IPPK: variants seen among roughly 807,000 people sequenced by gnomAD.
IPPK encodes the protein IPK1 homolog.
IPPK carries 22 observed loss-of-function variants against 64.6 expected under a neutral mutation model. That is an observed-to-expected ratio of 0.34 (90% CI 0.24 to 0.49). IPPK has a LOEUF of 0.49. Among genes scored for constraint, IPPK ranks in the 20% least tolerant of loss-of-function variants. The pLI is 0.99. For missense variants in IPPK, 532 were observed against 630.7 expected, an observed-to-expected ratio of 0.84 and a Z score of 1.68; for synonymous variants, 262 against 247.2, an observed-to-expected ratio of 1.06 and a Z score of -0.56.
chr9:92,665,956 C>G (rs1190690599), intron 1 of IPPK, among the ~76,000 whole-genome samples: 1 of 152,118 alleles, frequency 6.6e-6, no homozygotes, highest in African/African-American at 2.4e-5. Context: ...AAACAGGTAC[C>G]AAAGGGACAC....
rs772678470 is a variant in IPPK, at chr9:92,642,725, G to T, written c.563+27C>A. 3 of 1,604,978 alleles carry T rather than the reference G, an allele frequency of 1.9e-6. No individual in the cohort carries two copies. The South Asian group carries it at 3.3e-5, about 18-fold the overall frequency. On this transcript the variant is annotated intron_variant, in intron 7 of 12. Transcript: ENST00000287996. ...CCCATCTCCAGGGAACCTGACACAA[G>T]GGGGCAAAGGAGAAGTGTTCTCTTA... is the stretch of plus-strand genomic sequence containing the variant.
intron 11 of IPPK, among the ~76,000 whole-genome samples, chr9:92,626,933 G>C (rs1456637696): frequency 6.8e-6 from 1 of 146,514 alleles, no homozygotes; most frequent in African/African-American, 2.5e-5. Flanking sequence ...AAAAAAAACA[G>C]AAATGAAGCC....
intron 6 of IPPK, among the ~76,000 whole-genome samples, chr9:92,646,179 A>G (rs1044105802): frequency 6.6e-6 from 1 of 152,228 alleles, no homozygotes; most frequent in Admixed American, 6.5e-5. Flanking sequence ...AACCTGAACT[A>G]GACTGTTCAG....
intron 4 of IPPK, among the ~76,000 whole-genome samples, chr9:92,651,311 C>T (rs899544667): frequency 9.2e-5 from 14 of 152,334 alleles, no homozygotes; most frequent in African/African-American, 3.1e-4. Context: ...CGAAATTTAT[C>T]TCTTTGATCA....
chr9:92,658,930 A>G (rs1852427278), intron 1 of IPPK, among the ~76,000 whole-genome samples: 1 of 152,258 alleles, frequency 6.6e-6, no homozygotes, highest in Non-Finnish European at 1.5e-5. Flanking sequence ...TTAAGGAAAG[A>G]AATAAAATGG....
Position 92,647,598 on chromosome 9 carries a change from G to A in IPPK, c.504+461C>T, listed in dbSNP as rs1044089639. 5.3e-5 allele frequency among the ~76,000 whole-genome samples: 8 copies of A among 151,968 alleles called. No homozygotes were observed. In the South Asian group the frequency reaches 6.2e-4, roughly 12 times the overall value. ...GAAATGCAAGGTTGGTCCAACATGC[G>A]AAAATCATGTAATATACCATATTCA... On this transcript the variant is annotated intron_variant, in intron 6 of 12. Coordinates refer to ENST00000287996, the MANE Select transcript of IPPK (RefSeq NM_022755.6).
rs535791097 is a variant in IPPK, at chr9:92,642,124, G to A, written c.563+628C>T. On this transcript the variant is annotated intron_variant, in intron 7 of 12. Transcript: ENST00000287996. ...CCTCTGCTGCCCCTTCAGCCCCAGG[G>A]CCTGCTCGCTGGGCCCCCAGGCCCC... 9.2e-5 allele frequency among the ~76,000 whole-genome samples: 14 copies of A among 152,352 alleles called. 1 individual carries two copies. In the South Asian group the frequency reaches 2.9e-3, roughly 32 times the overall value.
intron 1 of IPPK, among the ~76,000 whole-genome samples, chr9:92,664,451 G>C (rs938046525): frequency 6.6e-6 from 1 of 152,190 alleles, no homozygotes; most frequent in South Asian, 2.1e-4. Context: ...CCTGTATGGG[G>C]CATGTCCTCA....
At chr9:92,628,051 T>A (rs1241615241) in intron 11 of IPPK, among the ~76,000 whole-genome samples, 7 of 152,216 alleles carry the variant, frequency 4.6e-5, no homozygotes, top group African/African-American at 1.7e-4. Context: ...AATACACTTG[T>A]AATGAGCAAT....
At chr9:92,665,611 C>T (rs531650315) in intron 1 of IPPK, among the ~76,000 whole-genome samples, 30 of 152,194 alleles carry the variant, frequency 2.0e-4, no homozygotes, top group Non-Finnish European at 3.4e-4. Flanking sequence ...AAAAGTGATT[C>T]GTGATACTAT....
chr9:92,662,818 C>T lies in IPPK; in HGVS notation c.82-4137G>A, dbSNP rs1029458980. 1.4e-4 allele frequency among the ~76,000 whole-genome samples: 21 copies of T among 152,252 alleles called. 1 individual carries two copies. The South Asian group carries it at 1.9e-3, about 14-fold the overall frequency. ...GTTAAGGGACACAACTCGTCACTTA[C>T]AAAAGTGGCAAAAAGCATTTCAATA... On this transcript the variant is annotated intron_variant, in intron 1 of 12. Coordinates refer to ENST00000287996, the MANE Select transcript of IPPK (RefSeq NM_022755.6).
chr9:92,635,371 C>A lies in IPPK; in HGVS notation c.917-63G>T. 6.5e-7 allele frequency: 1 copy of A among 1,540,368 alleles called. No individual in the cohort carries two copies. The highest frequency in any genetic ancestry group is 8.8e-7 in the Non-Finnish European group (1 of 1,133,700). ...TTATCAAAGAACGTGGAGGGAGACACAGGCCGGCGCAGACCGCAGGGCTCA... is the reference window on the plus strand; with the variant it reads ...TTATCAAAGAACGTGGAGGGAGACAAAGGCCGGCGCAGACCGCAGGGCTCA... On this transcript the variant is annotated intron_variant, in intron 9 of 12. Transcript: ENST00000287996. This position sits in a 1 kb window ranked among gnomAD's most constrained non-coding sequence, Gnocchi z 4.4.
At chr9:92,637,813 G>A (rs1230374109) in intron 9 of IPPK, among the ~76,000 whole-genome samples, 188 bp downstream of exon 9, 4 of 152,232 alleles carry the variant, frequency 2.6e-5, no homozygotes, top group Non-Finnish European at 5.9e-5. Flanking sequence ...CAGATAAAAG[G>A]CAAGAAAGGG....
chr9:92,623,005 C>T (rs557920312), intron 11 of IPPK, among the ~76,000 whole-genome samples: 35 of 152,178 alleles, frequency 2.3e-4, no homozygotes, highest in African/African-American at 8.4e-4. Context: ...AAAGACAAAA[C>T]AATAAATTTT....
chr9:92,662,386 C>T (rs886610417), intron 1 of IPPK, among the ~76,000 whole-genome samples: 12 of 152,170 alleles, frequency 7.9e-5, no homozygotes, highest in South Asian at 6.2e-4. Context: ...ATTAGCCCGG[C>T]GTGGTGGCAC....
chr9:92,643,359 TA>T (rs1564034305), intron 6 of IPPK, among the ~76,000 whole-genome samples: 1 of 152,170 alleles, frequency 6.6e-6, no homozygotes, highest in Non-Finnish European at 1.5e-5. Flanking sequence ...GCCTTACTGC[TA>T]ATAGCAAACC....
chr9:92,654,192 T>A (rs1852325500), intron 3 of IPPK, among the ~76,000 whole-genome samples: 2 of 152,156 alleles, frequency 1.3e-5, no homozygotes, highest in Non-Finnish European at 2.9e-5. Flanking sequence ...AATCACTGAT[T>A]TTATAATATG....
At chr9:92,663,850 T>C (rs1852538202) in intron 1 of IPPK, among the ~76,000 whole-genome samples, 2 of 152,216 alleles carry the variant, frequency 1.3e-5, no homozygotes, top group South Asian at 4.1e-4. Flanking sequence ...GCTGAGGAGA[T>C]AACCTGAAGC....
rs1252148247 is a variant in IPPK at position 92,635,702 on chromosome 9, TTC to T, written c.917-396_917-395del. Among the ~76,000 whole-genome samples the T allele has an allele frequency of 6.6e-6, 1 of 152,096 alleles. No homozygotes were observed. Among genetic ancestry groups the T allele is most frequent in the Non-Finnish European group, 1.5e-5 (1 of 67,998 alleles). On this transcript the variant is annotated intron_variant, in intron 9 of 12. Coordinates refer to ENST00000287996, the MANE Select transcript of IPPK (RefSeq NM_022755.6). This position sits in a 1 kb window ranked among gnomAD's most constrained non-coding sequence, Gnocchi z 4.4. ...ATTTTAAGTCAGGTCACAAAATTTC[TTC>T]TTTTTCTTTTCTTTTTTTTTTTTGA...
Sources: gnomAD v4.1 joint callset for allele counts (sites outside exome capture counted in the v4.1 genomes callset) on GRCh38, gnomAD v4.1.1 for gene constraint, Gnocchi (gnomAD v3.1) non-coding constraint, MANE v1.5 for transcripts, NCBI Gene and HGNC (gene_info 2026-07-23, HGNC 2026-07-21) for gene names.